DTNB: variants seen among roughly 807,000 people sequenced by gnomAD.
The protein encoded by DTNB is dystrobrevin beta, also known as DTN-B.
DTNB carries 63 observed loss-of-function variants against 90.7 expected under a neutral mutation model. That is an observed-to-expected ratio of 0.69 (90% confidence interval 0.57 to 0.86). DTNB has a LOEUF of 0.86. Among genes scored for constraint, DTNB ranks in the 40% least tolerant of loss-of-function variants. The probability of loss-of-function intolerance (pLI) is 0.00; values close to 1 mark genes in which losing one functional copy is unlikely to be tolerated. For missense variants in DTNB, 744 were observed against 807.1 expected (o/e 0.92, Z 0.95); for synonymous variants, 277 against 286.7 (o/e 0.97, Z 0.34).
intron 9 of DTNB, among the ~76,000 whole-genome samples, chr2:25,512,208 T>C (rs764472655): frequency 2.0e-5 from 3 of 152,132 alleles, no homozygotes; most frequent in Non-Finnish European, 4.4e-5. Flanking sequence ...CAAAAACTCA[T>C]AAAAAATACA....
chr2:25,562,058 C>T (rs192020870), intron 8 of DTNB, among the ~76,000 whole-genome samples: 2 of 152,300 alleles, frequency 1.3e-5, no homozygotes, highest in East Asian at 3.9e-4. Context: ...AGCCACTTCC[C>T]ATTCCTCCCT....
At chr2:25,526,392 TATA>T (rs1181290113) in intron 9 of DTNB, among the ~76,000 whole-genome samples, 3,365 of 63,610 alleles carry the variant, frequency 0.053, 62 homozygotes, top group East Asian at 0.098. Context: ...TATATATATA[TATA>T]TTTTTTTTTT....
chr2:25,574,216 G>A (rs2060313576), intron 8 of DTNB, among the ~76,000 whole-genome samples: 1 of 152,188 alleles, frequency 6.6e-6, no homozygotes, highest in African/African-American at 2.4e-5. Context: ...TAAAACTTAA[G>A]CTCCACAGGG....
chr2:25,590,915 C>A (rs926137591), intron 6 of DTNB, among the ~76,000 whole-genome samples: 1 of 152,238 alleles, frequency 6.6e-6, no homozygotes, highest in South Asian at 2.1e-4. Context: ...CCCAGGTGTT[C>A]GTGCCAAGGG....
intron 7 of DTNB, among the ~76,000 whole-genome samples, 173 bp downstream of exon 7, chr2:25,580,548 T>C: frequency 6.6e-6 from 1 of 150,836 alleles, no homozygotes; most frequent in South Asian, 2.1e-4. Flanking sequence ...ATAAGTACCC[T>C]CCCTTTTTTA....
intron 8 of DTNB, among the ~76,000 whole-genome samples, chr2:25,556,170 C>CTTTTTTTTTTT (rs60714399): frequency 9.5e-5 from 10 of 105,552 alleles, no homozygotes; most frequent in African/African-American, 1.9e-4. Context: ...GGCCATCTCT[C>CTTTTTTTTTTT]TTTTTTTTTT....
At chr2:25,504,468 GGAAGGAAAGAAGGAAAGACAAGAAA>G (rs1231197892) in intron 9 of DTNB, among the ~76,000 whole-genome samples, 2 of 137,108 alleles carry the variant, frequency 1.5e-5, no homozygotes, top group Non-Finnish European at 3.1e-5. Context: ...AAGGAAGGAA[GGAAGGAAAGAAGGAAAGACAAGAAA>G]GAAGGAAAGA....
rs188829711 is a variant in DTNB at position 25,667,161 on chromosome 2, G to C, written c.-2+6225C>G. Among the ~76,000 whole-genome samples the C allele has an allele frequency of 4.7e-3, 707 of 151,250 alleles. 2 individuals carry two copies. Among genetic ancestry groups the C allele is most frequent in the Non-Finnish European group, 7.1e-3 (483 of 67,758 alleles). ...AAAATTAAAAAAAAAAAAAAGAAAA[G>C]AAAACAAAATCAAAAGCACTCACTC... On this transcript the variant is annotated intron_variant, in intron 1 of 20. Coordinates refer to ENST00000406818, the MANE Select transcript of DTNB (RefSeq NM_021907.5).
intron 5 of DTNB, among the ~76,000 whole-genome samples, chr2:25,603,770 T>C (rs1333436743): frequency 3.3e-5 from 5 of 151,698 alleles, no homozygotes; most frequent in Non-Finnish European, 7.4e-5. Context: ...TAGAAGGAGG[T>C]TGGAGCAAAC....
chr2:25,652,723 T>C lies in DTNB; in HGVS notation c.-1-62A>G, dbSNP rs992102628. ...ATTCGACAATTCAATCAAGTGCTAATCATTCTATTGTGAAGAGGGACCGGA... is the reference window on the plus strand; with the variant it reads ...ATTCGACAATTCAATCAAGTGCTAACCATTCTATTGTGAAGAGGGACCGGA... On this transcript the variant is annotated intron_variant, in intron 1 of 20. Transcript: ENST00000406818. 6 of 1,558,450 alleles carry C rather than the reference T, an allele frequency of 3.8e-6. No homozygotes were observed. In the African/African-American group the frequency reaches 8.2e-5, roughly 21 times the overall value.
intron 9 of DTNB, among the ~76,000 whole-genome samples, chr2:25,510,441 G>A (rs557366357): frequency 2.0e-5 from 3 of 151,044 alleles, no homozygotes; most frequent in East Asian, 1.9e-4. Context: ...TTTTTCTTAC[G>A]TGAGTTCAAG....
intron 8 of DTNB, among the ~76,000 whole-genome samples, chr2:25,547,784 G>A (rs1228299187): frequency 2.0e-5 from 3 of 152,262 alleles, no homozygotes; most frequent in East Asian, 1.9e-4. Context: ...TGAAATAGTC[G>A]AGGCTTGATG....
chr2:25,560,146 G>T (rs1319196200), intron 8 of DTNB, among the ~76,000 whole-genome samples: 1 of 152,242 alleles, frequency 6.6e-6, no homozygotes, highest in African/African-American at 2.4e-5. Context: ...CTACTCGGGA[G>T]GCTGAGGCAA....
In DTNB at chr2:25,387,951, A is replaced by C. The variant is rs2039978085; in HGVS notation, c.1735+251T>G. 6.6e-6 allele frequency among the ~76,000 whole-genome samples: 1 copy of C among 152,204 alleles called. No homozygotes were observed. Among genetic ancestry groups the C allele is most frequent in the Non-Finnish European group, 1.5e-5 (1 of 68,034 alleles). ...GCCCAAAGGACAAAGCACTTCCAAT[A>C]ATCCAGAAAAAAGGGCAGAGAACCC... On this transcript the variant is annotated intron_variant, in intron 17 of 20. Transcript: ENST00000406818. This position sits in a 1 kb window ranked among gnomAD's most constrained non-coding sequence, Gnocchi z 4.5.
At chr2:25,533,250 C>T (rs536837238) in intron 8 of DTNB, among the ~76,000 whole-genome samples, 5 of 152,074 alleles carry the variant, frequency 3.3e-5, no homozygotes, top group Non-Finnish European at 7.4e-5. Context: ...CGCTTCAGCC[C>T]GGGCCGACGA....
At chr2:25,536,833 C>A (rs1005696132) in intron 8 of DTNB, among the ~76,000 whole-genome samples, 1 of 152,122 alleles carries the variant, frequency 6.6e-6, no homozygotes, top group African/African-American at 2.4e-5. Context: ...ACCAGCGCCT[C>A]CCGGGTTCAA....
At position 25,596,076 on chromosome 2, in the gene DTNB, C is replaced by G; in HGVS notation, c.603+10G>C. 6.3e-7 allele frequency: 1 copy of G among 1,589,412 alleles called. No individual in the cohort carries two copies. ...TCTTCTAGCCCTAGATTCTATAAAA[C>G]TGTCCTTACCTGCTGTGGAAAACAG... On this transcript the variant is annotated intron_variant, in intron 6 of 20. Coordinates refer to ENST00000406818, the MANE Select transcript of DTNB (RefSeq NM_021907.5).
At chr2:25,654,469 T>C (rs1314017576) in intron 1 of DTNB, among the ~76,000 whole-genome samples, 2 of 152,150 alleles carry the variant, frequency 1.3e-5, no homozygotes, top group Admixed American at 1.3e-4. Context: ...AAAACAGCCA[T>C]AGTGCTGAGG....
At position 25,424,270 on chromosome 2, in the gene DTNB, C is replaced by A. The variant is rs1163386951; in HGVS notation, c.1554+3265G>T. Among the ~76,000 whole-genome samples the A allele has an allele frequency of 6.6e-6, 1 of 152,142 alleles. No homozygotes were observed. The highest frequency in any genetic ancestry group is 1.5e-5 in the Non-Finnish European group (1 of 68,020). ...GGGTAAATGATATTTAAGAACCTGG[C>A]AGGGGATCCTACAGGGGCAGCAGTG... is the stretch of plus-strand genomic sequence containing the variant. On this transcript the variant is annotated intron_variant, in intron 15 of 20. Transcript: ENST00000406818. The surrounding 1 kb of genome is among the most constrained non-coding windows in gnomAD (Gnocchi z 4.1).
Sources: gnomAD v4.1 joint callset for allele counts (sites outside exome capture counted in the v4.1 genomes callset) on GRCh38, gnomAD v4.1.1 for gene constraint, Gnocchi (gnomAD v3.1) non-coding constraint, MANE v1.5 for transcripts, NCBI Gene and HGNC (gene_info 2026-07-23, HGNC 2026-07-21) for gene names.